The following SOAT2 variants were observed in gnomAD, a reference collection of about 807,000 sequenced individuals.
The protein encoded by SOAT2 is sterol O-acyltransferase 2.
A neutral mutation model predicts 76.0 loss-of-function variants in SOAT2; 87 were observed. That is an observed-to-expected ratio of 1.14 (90% CI 0.96 to 1.37). SOAT2 has a LOEUF of 1.37. Ranked by LOEUF, SOAT2 falls within the 40% of genes most tolerant of loss-of-function variation. SOAT2 has a pLI of 0.00. For missense variants in SOAT2, 686 were observed against 682.1 expected (o/e 1.01, Z -0.06); for synonymous variants, 285 against 275.4 (o/e 1.03, Z -0.34).
intron 5 of SOAT2, among the ~76,000 whole-genome samples, chr12:53,106,631 C>G (rs1937940507): frequency 6.6e-6 from 1 of 152,172 alleles, no homozygotes. Flanking sequence ...TGCAGATGAA[C>G]TGGGGAGGAA....
intron 5 of SOAT2, among the ~76,000 whole-genome samples, chr12:53,114,545 AC>A (rs1373485320): frequency 6.6e-6 from 1 of 151,652 alleles, no homozygotes; most frequent in African/African-American, 2.4e-5. Context: ...ATATGGTGAA[AC>A]CCTGTCTCTA....
At chr12:53,104,012 C>T (rs1937884536) in intron 1 of SOAT2, 139 bp from the exon 2 acceptor site, 2 of 809,044 alleles carry the variant, frequency 2.5e-6, no homozygotes, top group Admixed American at 3.7e-5. Flanking sequence ...CTAGTAGCCC[C>T]AACCATGATA....
chr12:53,123,837 G>A lies in SOAT2; in HGVS notation c.1482G>A (p.Gln494=). Residue 494 remains glutamine, a synonymous_variant, in exon 14 of 15, where the codon CAG becomes CAA. Coordinates refer to ENST00000301466, the MANE Select transcript of SOAT2 (RefSeq NM_003578.4). ...GAATCCAGGTCAGCCTGTACTGCCA[G>A]GAGTGGTACGCACGGCGGCACTGCC... ...GQGIQVSLYC[Q]EWYARRHCPL... 6.2e-7 allele frequency: 1 copy of A among 1,614,172 alleles called. No individual in the cohort carries two copies. The highest frequency in any genetic ancestry group is 2.2e-5 in the East Asian group (1 of 44,872).
rs143263985 is a variant in SOAT2 at position 53,106,598 on chromosome 12, T to C, written c.443+584T>C. The stretch of plus-strand genomic sequence containing the variant: ...ACCAAACTGAGGGTTGGGGCTGCTA[T>C]TTCTCATGGCCCAATAACGAGATGC... On this transcript the variant is annotated intron_variant, in intron 5 of 14. Coordinates refer to ENST00000301466, the MANE Select transcript of SOAT2 (RefSeq NM_003578.4). Among the ~76,000 whole-genome samples the C allele has an allele frequency of 4.6e-5, 7 of 152,352 alleles. No homozygotes were observed. The East Asian group carries it at 1.3e-3, about 29-fold the overall frequency.
rs145884184 is a variant in SOAT2 at position 53,105,151 on chromosome 12, G to A, written c.183G>A (p.Arg61=). 3 of 1,574,986 alleles carry A rather than the reference G, an allele frequency of 1.9e-6. No individual in the cohort carries two copies. The highest frequency in any genetic ancestry group is 2.7e-5 in the African/African-American group (2 of 73,878). The part of the protein sequence containing the change: ...QLLEQAQGQL[R]ELLDRAMREA... The stretch of plus-strand genomic sequence containing the variant: ...TGGAGCAAGCGCAGGGACAACTGAG[G>A]GAGCTGCTGGATCGGGCCATGCGGG... The change falls in exon 3 of 15, where the codon AGG becomes AGA. Residue 61 remains arginine, a synonymous_variant. Coordinates refer to ENST00000301466, the MANE Select transcript of SOAT2 (RefSeq NM_003578.4).
At chr12:53,112,004 T>A (rs1328124878) in intron 5 of SOAT2, among the ~76,000 whole-genome samples, 1 of 152,224 alleles carries the variant, frequency 6.6e-6, no homozygotes, top group African/African-American at 2.4e-5. Flanking sequence ...CTTTTTCCTC[T>A]CTTTTAACTG....
At chr12:53,103,757 C>A in intron 1 of SOAT2, 98 bp downstream of exon 1, 1 of 1,030,486 alleles carries the variant, frequency 9.7e-7, no homozygotes, top group Non-Finnish European at 1.4e-6. Flanking sequence ...TGATGCCAAT[C>A]CTTCCTGCTG....
At chr12:53,104,907 C>T (rs1937904569) in intron 2 of SOAT2, among the ~76,000 whole-genome samples, 200 bp from the exon 3 acceptor site, 1 of 152,068 alleles carries the variant, frequency 6.6e-6, no homozygotes, top group Non-Finnish European at 1.5e-5. Flanking sequence ...CCAGCAGACC[C>T]ATCACCACCC....
intron 11 of SOAT2, 134 bp from the exon 12 acceptor site, chr12:53,121,169 C>T: frequency 1.4e-6 from 1 of 697,358 alleles, no homozygotes. Context: ...AGAGTGTCTG[C>T]TGTCCCTGTT....
chr12:53,118,068 G>A (rs989595578), intron 7 of SOAT2, among the ~76,000 whole-genome samples: 4 of 152,106 alleles, frequency 2.6e-5, no homozygotes, highest in Non-Finnish European at 5.9e-5. Flanking sequence ...GTTGTCGAAC[G>A]TGTGGGTACC....
intron 12 of SOAT2, among the ~76,000 whole-genome samples, chr12:53,122,782 T>A (rs34950338): frequency 0.081 from 12,274 of 152,270 alleles, 596 homozygotes; most frequent in East Asian, 0.16. Context: ...TTTCCCCACC[T>A]TTCCCCCCTT....
chr12:53,105,789 G>GA, intron 4 of SOAT2, 118 bp from the exon 5 acceptor site: 1 of 942,008 alleles, frequency 1.1e-6, no homozygotes, highest in East Asian at 2.6e-5. Flanking sequence ...TGGAAGAAAG[G>GA]CCTTTAGCTG....
chr12:53,111,493 A>G (rs986370094), intron 5 of SOAT2, among the ~76,000 whole-genome samples: 3 of 152,212 alleles, frequency 2.0e-5, no homozygotes, highest in African/African-American at 7.2e-5. Context: ...TAAGGCCACA[A>G]GAGTAGAAGT....
At chr12:53,119,101 A>C in intron 9 of SOAT2, 23 bp from the exon 10 acceptor site, 1 of 1,613,566 alleles carries the variant, frequency 6.2e-7, no homozygotes, top group Non-Finnish European at 8.5e-7. Context: ...CTCTCCAGTT[A>C]TGTGTCCCCA....
intron 1 of SOAT2, 60 bp from the exon 2 acceptor site, chr12:53,104,091 C>A: frequency 7.0e-7 from 1 of 1,430,646 alleles, no homozygotes; most frequent in African/African-American, 1.4e-5. Context: ...CACAGGATGC[C>A]TCTGGGTCTG....
rs576676148 is a variant in SOAT2, at chr12:53,123,177, T to C, written c.1333T>C (p.Phe445Leu). 6.2e-7 allele frequency: 1 copy of C among 1,614,122 alleles called. No homozygotes were observed. Among genetic ancestry groups the C allele is most frequent in the East Asian group, 2.2e-5 (1 of 44,874 alleles). Residue 445 changes from phenylalanine (F) to leucine (L), a missense_variant, in exon 13 of 15, where the codon TTC becomes CTC. Transcript: ENST00000301466. ...EYIFCFVLGFFYPVMLILFLV... is the reference protein window; with the variant it reads ...EYIFCFVLGFLYPVMLILFLV... ...TATCTTCTGCTTCGTCCTGGGGTTC[T>C]TCTATCCCGTCATGCTGATACTCTT...
At chr12:53,119,054 G>T (rs1938148375) in intron 9 of SOAT2, 70 bp from the exon 10 acceptor site, 1 of 1,610,444 alleles carries the variant, frequency 6.2e-7, no homozygotes, top group South Asian at 1.1e-5. Flanking sequence ...GCCAGTGCTG[G>T]GCCAGAGGTC....
intron 5 of SOAT2, among the ~76,000 whole-genome samples, chr12:53,109,367 G>A (rs1321419770): frequency 6.6e-6 from 1 of 152,026 alleles, no homozygotes; most frequent in Non-Finnish European, 1.5e-5. Flanking sequence ...CCCAAAGAAA[G>A]TCAAACCCCA....
At chr12:53,117,807 G>A (rs1268433603) in intron 7 of SOAT2, among the ~76,000 whole-genome samples, 1 of 152,010 alleles carries the variant, frequency 6.6e-6, no homozygotes. Context: ...CCAGGCCCTG[G>A]GCTGTGTGCT....
Sources: allele counts gnomAD v4.1 joint callset (sites outside exome capture counted in the v4.1 genomes callset), GRCh38; gene constraint gnomAD v4.1.1; transcripts MANE v1.5; gene names NCBI Gene and HGNC (gene_info 2026-07-23, HGNC 2026-07-21).